ACTR3C: variants seen among roughly 807,000 people sequenced by gnomAD.
ACTR3C encodes the protein actin-related protein 3C.
A neutral mutation model predicts 26.3 loss-of-function variants in ACTR3C; 18 were observed. The observed-to-expected ratio is 0.68, with a 90% CI of 0.47 to 1.01. The LOEUF is 1.01. Ranked by LOEUF, ACTR3C falls within the 50% of genes least tolerant of loss-of-function variation. The pLI is 0.00. For synonymous variants in ACTR3C, 55 were observed against 94.5 expected (o/e 0.58, Z 2.42); for missense variants, 184 against 250.7 (o/e 0.73, Z 1.80).
At chr7:150,146,546 T>C in the ACTR3C span, among the ~76,000 whole-genome samples, 1 of 152,332 alleles carries the variant, frequency 6.6e-6, no homozygotes, top group East Asian at 1.9e-4. Flanking sequence ...TTCACCAAAC[T>C]GATTTTCTTT....
At chr7:150,042,369 G>A in the ACTR3C span, among the ~76,000 whole-genome samples, 3,328 of 131,102 alleles carry the variant, frequency 0.025, 15 homozygotes, top group Middle Eastern at 0.042. Context: ...AGCGATGGGG[G>A]TCCTAAGAGC....
chr7:150,060,571 A>G, the ACTR3C span, among the ~76,000 whole-genome samples: 6 of 152,140 alleles, frequency 3.9e-5, no homozygotes, highest in South Asian at 2.1e-4. Context: ...AACTGCAAAA[A>G]TAAAAGCAGC....
the ACTR3C span, among the ~76,000 whole-genome samples, chr7:149,984,515 ATTG>A: frequency 1.3e-5 from 2 of 150,728 alleles, no homozygotes; most frequent in Non-Finnish European, 2.9e-5. Flanking sequence ...CGTTTTATCT[ATTG>A]TTGATGCATT....
At chr7:149,986,010 A>G in the ACTR3C span, among the ~76,000 whole-genome samples, 1 of 151,562 alleles carries the variant, frequency 6.6e-6, no homozygotes, top group African/African-American at 2.4e-5. Flanking sequence ...TTTCTCTTGT[A>G]TTTTCTCTTC....
At chr7:149,920,421 C>T in the ACTR3C span, among the ~76,000 whole-genome samples, 2 of 151,386 alleles carry the variant, frequency 1.3e-5, no homozygotes, top group Admixed American at 1.3e-4. Flanking sequence ...ATCCTCCCAC[C>T]TCTGCCTCCC....
At chr7:150,198,496 G>A in the ACTR3C span, among the ~76,000 whole-genome samples, 16 of 132,602 alleles carry the variant, frequency 1.2e-4, no homozygotes, top group Admixed American at 6.5e-4. Flanking sequence ...CTGCCCCGCC[G>A]CCCCATCTGG....
the ACTR3C span, among the ~76,000 whole-genome samples, chr7:150,018,687 A>G: frequency 6.7e-6 from 1 of 150,320 alleles, no homozygotes; most frequent in Non-Finnish European, 1.5e-5. Flanking sequence ...TATATCCTAC[A>G]GTGGTTTCTA....
the ACTR3C span, chr7:150,047,990 G>A: frequency 1.7e-6 from 2 of 1,193,950 alleles, no homozygotes; most frequent in Non-Finnish European, 2.1e-6. Context: ...CAAGCCCAGC[G>A]CCGGCGACCG....
the ACTR3C span, among the ~76,000 whole-genome samples, chr7:150,212,689 C>T: frequency 6.6e-6 from 1 of 152,182 alleles, no homozygotes; most frequent in Non-Finnish European, 1.5e-5. Context: ...ACTAGACATG[C>T]CCTTGCTAAC....
chr7:150,061,252 T>G, the ACTR3C span, among the ~76,000 whole-genome samples: 4 of 85,754 alleles, frequency 4.7e-5, no homozygotes, highest in East Asian at 1.7e-3. Context: ...CTGAGGAAAT[T>G]GCAAATACAC....
At chr7:150,070,037 C>A in the ACTR3C span, among the ~76,000 whole-genome samples, 4 of 152,158 alleles carry the variant, frequency 2.6e-5, no homozygotes, top group Non-Finnish European at 5.9e-5. Context: ...GAACTGAGGT[C>A]CAGGTCTGTC....
At chr7:150,038,743 T>C in the ACTR3C span, among the ~76,000 whole-genome samples, 44 of 141,862 alleles carry the variant, frequency 3.1e-4, 3 homozygotes, top group Non-Finnish European at 5.3e-4. Flanking sequence ...GGAGCAACGA[T>C]GGGGGGGTCC....
intron 6 of ACTR3C, among the ~76,000 whole-genome samples, chr7:150,279,909 A>G (rs1276216098): frequency 1.3e-5 from 2 of 152,190 alleles, no homozygotes; most frequent in Non-Finnish European, 2.9e-5. Flanking sequence ...GAACCGAATC[A>G]TCTCGTACAT....
chr7:150,029,406 A>C, the ACTR3C span, among the ~76,000 whole-genome samples: 41 of 99,758 alleles, frequency 4.1e-4, 1 homozygote, highest in South Asian at 3.1e-3. Flanking sequence ...TCAAAAACAA[A>C]AAAAAAAAAA....
At chr7:149,946,840 G>A in the ACTR3C span, among the ~76,000 whole-genome samples, 3 of 152,174 alleles carry the variant, frequency 2.0e-5, no homozygotes, top group East Asian at 1.9e-4. Flanking sequence ...ACAGTTTGCT[G>A]TAGTTTCAAG....
the ACTR3C span, among the ~76,000 whole-genome samples, chr7:150,229,112 G>A: frequency 1.3e-5 from 2 of 152,016 alleles, no homozygotes; most frequent in African/African-American, 2.4e-5. Flanking sequence ...TTGATAGACA[G>A]TCGTGTTATC....
the ACTR3C span, among the ~76,000 whole-genome samples, chr7:149,917,225 G>A: frequency 4.5e-4 from 69 of 152,158 alleles, no homozygotes; most frequent in African/African-American, 1.5e-3. Flanking sequence ...ACAGGCATGC[G>A]CCACTACGCC....
chr7:150,278,252 G>A (rs772363406), intron 6 of ACTR3C, among the ~76,000 whole-genome samples: 2 of 152,202 alleles, frequency 1.3e-5, no homozygotes, highest in African/African-American at 4.8e-5. Flanking sequence ...CCTTCACTCC[G>A]ACCTGAGTTG....
chr7:150,295,292 A>G lies in ACTR3C; in HGVS notation c.5T>C (p.Phe2Ser), dbSNP rs1836646824. Reference protein sequence around the residue: MFESFNVPGLYI... With the variant: MSESFNVPGLYI... ...GAGTCCTGGAACGTTAAATGATTCG[A>G]ACATAATTTCTGCAAGATACTCTCT... The change falls in exon 2 of 8, where the codon TTC (phenylalanine) becomes TCC (serine). Residue 2 changes from phenylalanine (F) to serine (S), a missense_variant. Coordinates refer to ENST00000683684, the MANE Select transcript of ACTR3C (RefSeq NM_001164458.2). 2 of 1,613,922 alleles carry G rather than the reference A, an allele frequency of 1.2e-6. No homozygotes were observed. The highest frequency in any genetic ancestry group is 8.5e-7 in the Non-Finnish European group (1 of 1,179,888).
Sources: gnomAD v4.1 joint callset for allele counts (sites outside exome capture counted in the v4.1 genomes callset) on GRCh38, gnomAD v4.1.1 for gene constraint, MANE v1.5 for transcripts, NCBI Gene and HGNC (gene_info 2026-07-23, HGNC 2026-07-21) for gene names.